The following GLT8D2 variants were observed in gnomAD, a reference collection of about 807,000 sequenced individuals.
GLT8D2 encodes glycosyltransferase 8 domain containing 2.
GLT8D2 carries 45 observed loss-of-function variants against 44.5 expected under a neutral mutation model. The observed-to-expected ratio is 1.01, with a 90% confidence interval of 0.80 to 1.30. The LOEUF (loss-of-function observed/expected upper bound fraction) is 1.30. GLT8D2 is among the 50% of genes most tolerant of loss of function. The pLI is 0.00. For synonymous variants in GLT8D2, 156 were observed against 157.2 expected, an observed-to-expected ratio of 0.99 and a Z score of 0.06; for missense variants, 400 against 430.4, an observed-to-expected ratio of 0.93 and a Z score of 0.62.
intron 5 of GLT8D2, among the ~76,000 whole-genome samples, chr12:104,000,085 C>G (rs1019426575): frequency 1.3e-5 from 2 of 151,828 alleles, no homozygotes; most frequent in African/African-American, 4.8e-5. Context: ...TATCTTGTAT[C>G]CAATTCATAA....
At chr12:104,034,026 T>A (rs1385137318) in intron 1 of GLT8D2, among the ~76,000 whole-genome samples, 1 of 152,132 alleles carries the variant, frequency 6.6e-6, no homozygotes, top group Non-Finnish European at 1.5e-5. Flanking sequence ...TCAATAAAGC[T>A]GAAGAAAGCA....
At chr12:104,041,392 C>T (rs759291079) in intron 1 of GLT8D2, among the ~76,000 whole-genome samples, 16 of 151,580 alleles carry the variant, frequency 1.1e-4, no homozygotes, top group South Asian at 2.1e-4. Flanking sequence ...CCAGCCTGGG[C>T]GACAGAAAGA....
intron 1 of GLT8D2, among the ~76,000 whole-genome samples, chr12:104,028,955 G>A (rs544374122): frequency 1.7e-4 from 26 of 152,082 alleles, no homozygotes; most frequent in Non-Finnish European, 2.8e-4. Context: ...AAAAAACCAC[G>A]TTGGGAACTC....
upstream of GLT8D2, among the ~76,000 whole-genome samples, chr12:104,054,121 T>C (rs1481810230): frequency 1.3e-5 from 2 of 152,082 alleles, no homozygotes; most frequent in Non-Finnish European, 2.9e-5. Flanking sequence ...CAGAATTTGC[T>C]CATCTGATAA....
At chr12:104,029,012 C>G (rs112575648) in intron 1 of GLT8D2, among the ~76,000 whole-genome samples, 5,549 of 152,184 alleles carry the variant, frequency 0.036, 339 homozygotes, top group African/African-American at 0.13. Flanking sequence ...TGAACCTTGG[C>G]TGGGCTCAGT....
intron 1 of GLT8D2, among the ~76,000 whole-genome samples, chr12:104,039,812 T>G (rs1158870806): frequency 6.6e-6 from 1 of 152,214 alleles, no homozygotes; most frequent in Non-Finnish European, 1.5e-5. Context: ...ACCCAAAGGA[T>G]TATAAATCAT....
intron 10 of GLT8D2, among the ~76,000 whole-genome samples, chr12:103,992,584 C>T (rs190213530): frequency 1.3e-5 from 2 of 151,024 alleles, no homozygotes; most frequent in East Asian, 3.9e-4. Context: ...CCTCTGCCTT[C>T]CAGGTCCAAG....
rs552439923 is a variant in GLT8D2 at position 103,995,243 on chromosome 12, G to A, written c.601-742C>T. ...TCATCTCCTCTAAGCTCCTCCAATA[G>A]CTTCCCATCTCATTCACAGAAACAG... On this transcript the variant is annotated intron_variant, in intron 8 of 10. Transcript: ENST00000360814. Among the ~76,000 whole-genome samples the A allele has an allele frequency of 1.0e-3, 155 of 152,122 alleles. 1 individual carries two copies. Among genetic ancestry groups the A allele is most frequent in the African/African-American group, 3.4e-3 (142 of 41,498 alleles).
chr12:104,014,126 G>A, intron 4 of GLT8D2: 1 of 544,402 alleles, frequency 1.8e-6, no homozygotes, highest in Non-Finnish European at 3.3e-6. Flanking sequence ...CACTTTGGGA[G>A]GCCAAGGTAG....
intron 4 of GLT8D2, among the ~76,000 whole-genome samples, chr12:104,007,949 T>C (rs2700515): frequency 0.18 from 26,868 of 152,234 alleles, 2,642 homozygotes; most frequent in Middle Eastern, 0.24. Flanking sequence ...GAAGTGCCTT[T>C]CGCCTCCTGC....
At chr12:104,005,963 G>C (rs773060202) in intron 4 of GLT8D2, among the ~76,000 whole-genome samples, 14 of 152,104 alleles carry the variant, frequency 9.2e-5, no homozygotes, top group Admixed American at 5.2e-4. Flanking sequence ...AATCACAATA[G>C]CAAAGACTTG....
At chr12:104,061,836 C>A (rs945527196) in intron 1 of GLT8D2, among the ~76,000 whole-genome samples, 1 of 151,554 alleles carries the variant, frequency 6.6e-6, no homozygotes. Flanking sequence ...ATTAGCCAGG[C>A]GTGGTGGTGC....
intron 4 of GLT8D2, among the ~76,000 whole-genome samples, chr12:104,010,466 G>A (rs189576030): frequency 4.6e-5 from 7 of 152,216 alleles, no homozygotes; most frequent in Non-Finnish European, 8.8e-5. Context: ...AAATTAACAC[G>A]CACCTTCTCT....
At chr12:104,010,206 C>A (rs897732800) in intron 4 of GLT8D2, among the ~76,000 whole-genome samples, 7 of 152,210 alleles carry the variant, frequency 4.6e-5, no homozygotes, top group Non-Finnish European at 2.9e-5. Context: ...CTTTGCCTGG[C>A]ACACAAGACC....
At chr12:104,026,019 C>T (rs1045145775) in intron 1 of GLT8D2, among the ~76,000 whole-genome samples, 1 of 152,130 alleles carries the variant, frequency 6.6e-6, no homozygotes, top group Admixed American at 6.5e-5. Flanking sequence ...TGGCTCACAA[C>T]TGTAATTCCA....
intron 1 of GLT8D2, among the ~76,000 whole-genome samples, chr12:104,037,941 C>T (rs1229133438): frequency 6.6e-6 from 1 of 152,148 alleles, no homozygotes; most frequent in African/African-American, 2.4e-5. Context: ...AAAAGCTTAT[C>T]CACCACGATC....
upstream of GLT8D2, among the ~76,000 whole-genome samples, chr12:104,053,776 C>T (rs1345629742): frequency 6.6e-6 from 1 of 151,584 alleles, no homozygotes; most frequent in Non-Finnish European, 1.5e-5. Context: ...CCCAACTACT[C>T]GGGAGGCTGA....
At chr12:103,990,110 T>G (rs1872558190) in intron 10 of GLT8D2, among the ~76,000 whole-genome samples, 1 of 71,872 alleles carries the variant, frequency 1.4e-5, no homozygotes, top group Non-Finnish European at 2.7e-5. Flanking sequence ...TATATATATA[T>G]ATATATATAT....
intron 5 of GLT8D2, among the ~76,000 whole-genome samples, chr12:104,002,253 C>A (rs1874317668): frequency 6.6e-6 from 1 of 152,182 alleles, no homozygotes; most frequent in Non-Finnish European, 1.5e-5. Context: ...GCCACCTCAC[C>A]CAGCCTACAA....
Sources: gnomAD v4.1 joint callset for allele counts (sites outside exome capture counted in the v4.1 genomes callset) on GRCh38, gnomAD v4.1.1 for gene constraint, MANE v1.5 for transcripts, NCBI Gene and HGNC (gene_info 2026-07-23, HGNC 2026-07-21) for gene names.